Variants in SPECC1L observed in about 807,000 individuals in gnomAD.
The protein encoded by SPECC1L is sperm antigen with calponin homology and coiled-coil domains 1 like.
In SPECC1L, 40 loss-of-function variants were observed where a neutral mutation model predicts 116.8. The ratio of observed to expected loss-of-function variants is 0.34; its 90% CI spans 0.27 to 0.45. The LOEUF is 0.45. Ranked by LOEUF, SPECC1L falls within the 20% of genes least tolerant of loss-of-function variation. SPECC1L has a pLI of 1.00. For missense variants in SPECC1L, 1,110 were observed against 1,373.6 expected, an observed-to-expected ratio of 0.81 and a Z score of 3.03; for synonymous variants, 504 against 500.6, an observed-to-expected ratio of 1.01 and a Z score of -0.09.
chr22:24,276,310 T>A lies in SPECC1L; in HGVS notation c.-141-390T>A, dbSNP rs1250891146. Among the ~76,000 whole-genome samples, 9 of 152,162 alleles carry A rather than the reference T, an allele frequency of 5.9e-5. No homozygotes were observed. The South Asian group carries it at 1.4e-3, about 25-fold the overall frequency. On this transcript the variant is annotated intron_variant, in intron 1 of 16. Transcript: ENST00000314328. ...CGCCAGGTGTGGTGGTGCGCACCTGTGGTCTCAGGTACTTGAGAGGCTGAG... is the reference window on the plus strand; with the variant it reads ...CGCCAGGTGTGGTGGTGCGCACCTGAGGTCTCAGGTACTTGAGAGGCTGAG...
chr22:24,312,214 C>T (rs554576014), intron 3 of SPECC1L, among the ~76,000 whole-genome samples: 16 of 152,262 alleles, frequency 1.1e-4, no homozygotes, highest in African/African-American at 3.6e-4. Flanking sequence ...CTCAAGTGAT[C>T]CACCTCGGCC....
At chr22:24,319,051 C>G (rs769303225) in intron 4 of SPECC1L, among the ~76,000 whole-genome samples, 1 of 152,196 alleles carries the variant, frequency 6.6e-6, no homozygotes, top group Non-Finnish European at 1.5e-5. Flanking sequence ...TACTGCCGCC[C>G]CTGAATGTGG....
chr22:24,381,485 C>G (rs2042060799), intron 14 of SPECC1L, among the ~76,000 whole-genome samples: 1 of 152,126 alleles, frequency 6.6e-6, no homozygotes, highest in Non-Finnish European at 1.5e-5. Context: ...ATATTCCTTA[C>G]TGGAGATAAG....
At chr22:24,338,568 G>A in intron 10 of SPECC1L, 91 bp downstream of exon 10, 1 of 1,117,406 alleles carries the variant, frequency 8.9e-7, no homozygotes. Flanking sequence ...TGTATTAGTT[G>A]GGTAAATGAC....
At chr22:24,375,009 A>G (rs2146670713) in intron 14 of SPECC1L, among the ~76,000 whole-genome samples, 1 of 151,332 alleles carries the variant, frequency 6.6e-6, no homozygotes, top group South Asian at 2.1e-4. Context: ...GACGTTACTA[A>G]TGACCTTAAG....
At chr22:24,371,785 G>A (rs1226383036) in intron 14 of SPECC1L, among the ~76,000 whole-genome samples, 1 of 152,168 alleles carries the variant, frequency 6.6e-6, no homozygotes. Context: ...GCAGTGGTGC[G>A]ACCTTGGTTC....
At chr22:24,382,434 G>T (rs2042078878) in intron 14 of SPECC1L, among the ~76,000 whole-genome samples, 1 of 152,140 alleles carries the variant, frequency 6.6e-6, no homozygotes, top group African/African-American at 2.4e-5. Context: ...GCCGGGCGCG[G>T]TGGCTCCCGC....
intron 14 of SPECC1L, among the ~76,000 whole-genome samples, chr22:24,387,449 C>T (rs940916505): frequency 5.3e-5 from 8 of 152,142 alleles, no homozygotes; most frequent in African/African-American, 9.6e-5. Flanking sequence ...TTGGGGGAGG[C>T]GACTACATGG....
At chr22:24,296,675 G>C (rs1306522021) in intron 2 of SPECC1L, among the ~76,000 whole-genome samples, 2 of 152,250 alleles carry the variant, frequency 1.3e-5, no homozygotes, top group Non-Finnish European at 2.9e-5. Context: ...TGCCTGGGGG[G>C]GCTCTAGAGG....
chr22:24,411,044 C>A (rs897503209), intron 14 of SPECC1L, among the ~76,000 whole-genome samples: 2 of 151,886 alleles, frequency 1.3e-5, no homozygotes, highest in African/African-American at 4.8e-5. Flanking sequence ...AAAAAATAGC[C>A]GGGTGTGGTG....
At chr22:24,301,636 T>G (rs1462215951) in intron 2 of SPECC1L, among the ~76,000 whole-genome samples, 1 of 152,192 alleles carries the variant, frequency 6.6e-6, no homozygotes, top group Non-Finnish European at 1.5e-5. Flanking sequence ...GGTACTCTAA[T>G]GTATGGTTTC....
In SPECC1L at chr22:24,302,214, A is replaced by G. The variant is rs1271366550; in HGVS notation, c.-18A>G. ...CCACAGATTTGCTTGTAAATGCATCACGAAGAGGCAGCCCAGAATGAAGAA... is the reference window on the plus strand; with the variant it reads ...CCACAGATTTGCTTGTAAATGCATCGCGAAGAGGCAGCCCAGAATGAAGAA... On this transcript the variant is annotated 5_prime_UTR_variant, in exon 3 of 17. Coordinates refer to ENST00000314328, the MANE Select transcript of SPECC1L (RefSeq NM_015330.6). The G allele has an allele frequency of 8.7e-6, 14 of 1,613,972 alleles. No homozygotes were observed. Among genetic ancestry groups the G allele is most frequent in the Non-Finnish European group, 1.0e-5 (12 of 1,179,954 alleles).
rs765624314 is a variant in SPECC1L, at chr22:24,411,672, A to G, written c.3172A>G (p.Ile1058Val). Residue 1058 changes from isoleucine (I) to valine (V), a missense_variant, in exon 15 of 17, where the codon ATT becomes GTT. Transcript: ENST00000314328. ...ALLHTYLPAH[I>V]PYQELNSQDK... ...CCTGCATACATATCTCCCTGCCCAC[A>G]TTCCATATCAAGAACTGAACAGCCA... is the stretch of plus-strand genomic sequence containing the variant. The G allele has an allele frequency of 1.2e-6, 2 of 1,613,874 alleles. No individual in the cohort carries two copies. Among genetic ancestry groups the G allele is most frequent in the South Asian group, 1.1e-5 (1 of 91,074 alleles).
intron 14 of SPECC1L, among the ~76,000 whole-genome samples, chr22:24,383,241 G>T (rs1172551441): frequency 2.0e-5 from 3 of 152,142 alleles, no homozygotes; most frequent in Non-Finnish European, 4.4e-5. Flanking sequence ...AAGAAACTTA[G>T]CCTCTATACT....
intron 14 of SPECC1L, among the ~76,000 whole-genome samples, chr22:24,406,780 C>G (rs1449035962): frequency 6.6e-6 from 1 of 152,206 alleles, no homozygotes; most frequent in East Asian, 1.9e-4. Flanking sequence ...TGGAGGGGAG[C>G]TCCCCGCCTT....
In SPECC1L at chr22:24,316,135, C is replaced by T. The variant is rs561948059; in HGVS notation, c.307+2669C>T. 2.6e-5 allele frequency among the ~76,000 whole-genome samples: 4 copies of T among 152,312 alleles called. No homozygotes were observed. In the South Asian group the frequency reaches 8.3e-4, roughly 32 times the overall value. ...AGTTCATCTGCTCTACCTTTACCTC[C>T]TCCAGTGACTTTCCTAAGACTGTTT... is the stretch of plus-strand genomic sequence containing the variant. On this transcript the variant is annotated intron_variant, in intron 4 of 16. Coordinates refer to ENST00000314328, the MANE Select transcript of SPECC1L (RefSeq NM_015330.6).
At chr22:24,306,124 C>G (rs2049491023) in intron 3 of SPECC1L, among the ~76,000 whole-genome samples, 1 of 152,020 alleles carries the variant, frequency 6.6e-6, no homozygotes, top group South Asian at 2.1e-4. Flanking sequence ...TCAGGCTGGT[C>G]TTGAACTCCC....
intron 14 of SPECC1L, among the ~76,000 whole-genome samples, chr22:24,406,544 T>C (rs2042594616): frequency 6.6e-6 from 1 of 152,252 alleles, no homozygotes; most frequent in East Asian, 1.9e-4. Flanking sequence ...CACTGTGGTC[T>C]GGGTTTGGGG....
Position 24,416,081 on chromosome 22 carries a change from G to C in SPECC1L, c.*1458G>C, listed in dbSNP as rs2042795617. On this transcript the variant is annotated 3_prime_UTR_variant, in exon 17 of 17. Transcript: ENST00000314328. ...CAATGAGGGGCTCACAGGAGGCCCAGCCAGCCCGATTGTGGGCTGAGGGGT... is the reference window on the plus strand; with the variant it reads ...CAATGAGGGGCTCACAGGAGGCCCACCCAGCCCGATTGTGGGCTGAGGGGT... 1 of 152,262 alleles carries C rather than the reference G, an allele frequency of 6.6e-6. No individual in the cohort carries two copies. The highest frequency in any genetic ancestry group is 2.4e-5 in the African/African-American group (1 of 41,468). The allele number at this position is 152,262 out of a possible 1,614,324, so 9.4% of individuals were successfully genotyped here.
Sources: allele counts gnomAD v4.1 joint callset (sites outside exome capture counted in the v4.1 genomes callset), GRCh38; gene constraint gnomAD v4.1.1; transcripts MANE v1.5; gene names NCBI Gene and HGNC (gene_info 2026-07-23, HGNC 2026-07-21).